Variants in SLC9A8 observed in about 807,000 individuals in gnomAD.
SLC9A8 encodes sodium/hydrogen exchanger 8.
A neutral mutation model predicts 66.6 loss-of-function variants in SLC9A8; 48 were observed. That is an observed-to-expected ratio of 0.72 (90% CI 0.57 to 0.92). The LOEUF is 0.92. Among genes scored for constraint, SLC9A8 ranks in the 40% least tolerant of loss-of-function variants. The pLI, the probability that SLC9A8 is intolerant of heterozygous loss-of-function variation, is 0.00. For synonymous variants in SLC9A8, 274 were observed against 282.6 expected (o/e 0.97, Z 0.31); for missense variants, 599 against 747.3 (o/e 0.80, Z 2.31).
intron 2 of SLC9A8, among the ~76,000 whole-genome samples, chr20:49,821,093 CTT>C (rs1360563682): frequency 6.6e-6 from 1 of 152,026 alleles, no homozygotes; most frequent in African/African-American, 2.4e-5. Flanking sequence ...TCTTTTCTGA[CTT>C]TATTCTTTTT....
At chr20:49,864,015 C>T (rs2088858352) in intron 9 of SLC9A8, 1 of 151,858 alleles carries the variant, frequency 6.6e-6, no homozygotes, top group African/African-American at 2.4e-5. Context: ...TACCAATAAA[C>T]AGAATGGAAA....
chr20:49,852,709 T>C lies in SLC9A8; in HGVS notation c.569+1865T>C, dbSNP rs79475111. Among the ~76,000 whole-genome samples the C allele has an allele frequency of 4.6e-3, 697 of 152,328 alleles. 9 individuals carry two copies. Among genetic ancestry groups the C allele is most frequent in the African/African-American group, 0.016 (672 of 41,564 alleles). ...GCCAGGTGAAATAACCGTCTTTCCA[T>C]ACAGACCTCTCAATGATTCAGCAGT... On this transcript the variant is annotated intron_variant, in intron 7 of 15. Coordinates refer to ENST00000361573, the MANE Select transcript of SLC9A8 (RefSeq NM_015266.3).
chr20:49,875,560 AGTTT>A (rs1439596146), intron 11 of SLC9A8, among the ~76,000 whole-genome samples: 1 of 152,088 alleles, frequency 6.6e-6, no homozygotes, highest in Non-Finnish European at 1.5e-5. Flanking sequence ...GTCTTTAAGC[AGTTT>A]GTTCAAGTTC....
intron 10 of SLC9A8, among the ~76,000 whole-genome samples, chr20:49,872,538 T>C (rs1016108008): frequency 5.3e-5 from 8 of 151,592 alleles, no homozygotes; most frequent in Admixed American, 5.3e-4. Context: ...CAGGCTGGAG[T>C]GCAGTGCCGC....
intron 10 of SLC9A8, 133 bp from the exon 11 acceptor site, chr20:49,874,572 G>A: frequency 1.5e-6 from 1 of 681,320 alleles, no homozygotes; most frequent in Non-Finnish European, 2.6e-6. Flanking sequence ...CCTCTGGGAG[G>A]CTTCAGGAAT....
intron 2 of SLC9A8, among the ~76,000 whole-genome samples, chr20:49,819,049 C>G (rs536594034): frequency 5.9e-5 from 9 of 152,178 alleles, no homozygotes; most frequent in Non-Finnish European, 1.2e-4. Flanking sequence ...TGACAAAACT[C>G]TGTAGTTACT....
intron 8 of SLC9A8, among the ~76,000 whole-genome samples, chr20:49,856,108 G>T (rs1025721372): frequency 1.3e-5 from 2 of 151,952 alleles, no homozygotes; most frequent in African/African-American, 4.8e-5. Context: ...CACCTTTTTC[G>T]ACCTGCCTTT....
chr20:49,827,357 C>T (rs2086951683), intron 3 of SLC9A8, among the ~76,000 whole-genome samples: 1 of 151,164 alleles, frequency 6.6e-6, no homozygotes, highest in South Asian at 2.1e-4. Flanking sequence ...AATCCCAGCA[C>T]TTTGGGAGGC....
At chr20:49,854,664 T>G (rs1568843045) in intron 7 of SLC9A8, among the ~76,000 whole-genome samples, 1 of 152,198 alleles carries the variant, frequency 6.6e-6, no homozygotes, top group South Asian at 2.1e-4. Context: ...CTGCTACTTG[T>G]TAGCTGAGTG....
chr20:49,864,757 T>A lies in SLC9A8; in HGVS notation c.871T>A (p.Leu291Met). 6.2e-7 allele frequency: 1 copy of A among 1,614,052 alleles called. No homozygotes were observed. The highest frequency in any genetic ancestry group is 8.5e-7 in the Non-Finnish European group (1 of 1,179,882). ...ISALVLKHID[L>M]RKTPSLEFGM... ...CATTTACGTGCTGAAGCATATTGACTTGAGGAAAACGCCTTCCTTGGAGTT... is the reference window on the plus strand; with the variant it reads ...CATTTACGTGCTGAAGCATATTGACATGAGGAAAACGCCTTCCTTGGAGTT... Residue 291 changes from leucine (L) to methionine (M), a missense_variant, in exon 10 of 16, where the codon TTG (leucine) becomes ATG (methionine). Leu to Met is a conservative substitution (Grantham distance 15). This residue lies in a region of SLC9A8 where 467 missense variants were observed against 626.5 expected (regional missense o/e 0.75). Coordinates refer to ENST00000361573, the MANE Select transcript of SLC9A8 (RefSeq NM_015266.3).
chr20:49,882,510 A>G (rs1480006572), intron 13 of SLC9A8, among the ~76,000 whole-genome samples: 1 of 151,930 alleles, frequency 6.6e-6, no homozygotes, highest in Non-Finnish European at 1.5e-5. Context: ...CCCCAGCCCC[A>G]CTTCTGTTCA....
At chr20:49,862,573 T>G (rs1472491367) in intron 8 of SLC9A8, among the ~76,000 whole-genome samples, 1 of 152,180 alleles carries the variant, frequency 6.6e-6, no homozygotes, top group Non-Finnish European at 1.5e-5. Flanking sequence ...AGCCCACATT[T>G]TCTCAAGCAC....
At position 49,884,252 on chromosome 20, in the gene SLC9A8, C is replaced by CG. The variant is rs1568883605; in HGVS notation, c.1491+186_1491+187insG. On this transcript the variant is annotated intron_variant, in intron 14 of 15. Coordinates refer to ENST00000361573, the MANE Select transcript of SLC9A8 (RefSeq NM_015266.3). ...CACACACACACACACGACACACACA[C>CG]ACACACGACACACACACACACGACA... 1,394 of 319,384 alleles carry CG rather than the reference C, an allele frequency of 4.4e-3. 19 individuals are homozygous for CG. The highest frequency in any genetic ancestry group is 5.3e-3 in the Non-Finnish European group (888 of 168,114). The allele number at this position is 319,384 out of a possible 1,614,324, so 19.8% of individuals were successfully genotyped here. A position where few individuals can be genotyped will look rare whatever the true frequency, so the allele number is the denominator to read the frequency against.
intron 3 of SLC9A8, among the ~76,000 whole-genome samples, chr20:49,833,139 C>T (rs922103590): frequency 1.3e-5 from 2 of 152,142 alleles, no homozygotes; most frequent in East Asian, 1.9e-4. Context: ...CTCCTGACCT[C>T]GTGATCCGCC....
At chr20:49,872,807 GA>G (rs1293517688) in intron 10 of SLC9A8, among the ~76,000 whole-genome samples, 1 of 152,192 alleles carries the variant, frequency 6.6e-6, no homozygotes, top group Non-Finnish European at 1.5e-5. Flanking sequence ...TTTATACGTG[GA>G]AAGTTTGCCA....
chr20:49,847,034 A>G (rs963930196), intron 5 of SLC9A8, among the ~76,000 whole-genome samples: 4 of 152,254 alleles, frequency 2.6e-5, no homozygotes, highest in Non-Finnish European at 5.9e-5. Context: ...TGGTAAAAAC[A>G]TAGAAATTAA....
chr20:49,835,552 T>C (rs910395083), intron 3 of SLC9A8, among the ~76,000 whole-genome samples: 1 of 151,994 alleles, frequency 6.6e-6, no homozygotes, highest in Non-Finnish European at 1.5e-5. Context: ...AAACCACCAA[T>C]CTACTTTCTG....
At chr20:49,865,933 A>G (rs187640340) in intron 10 of SLC9A8, among the ~76,000 whole-genome samples, 4 of 152,350 alleles carry the variant, frequency 2.6e-5, no homozygotes, top group Admixed American at 2.0e-4. Flanking sequence ...GTGCCACAAG[A>G]TGGCAGAGAT....
chr20:49,814,985 AT>A, intron 1 of SLC9A8, 22 bp from the exon 2 acceptor site: 1 of 1,489,970 alleles, frequency 6.7e-7, no homozygotes, highest in Non-Finnish European at 9.0e-7. Flanking sequence ...CCATTATCTA[AT>A]TATGCTTTCT....
Sources: allele counts gnomAD v4.1 joint callset (sites outside exome capture counted in the v4.1 genomes callset), GRCh38; gene constraint gnomAD v4.1.1; regional missense constraint gnomAD v4.1.1; transcripts MANE v1.5; gene names NCBI Gene and HGNC (gene_info 2026-07-23, HGNC 2026-07-21).